SPATA6: variants seen among roughly 807,000 people sequenced by gnomAD.
The protein encoded by SPATA6 is spermatogenesis-associated protein 6.
In SPATA6, 56 loss-of-function variants were observed where a neutral mutation model predicts 65.3. That is an observed-to-expected ratio of 0.86 (90% CI 0.69 to 1.07). The LOEUF (loss-of-function observed/expected upper bound fraction) is 1.07. Among genes scored for constraint, SPATA6 ranks in the 50% least tolerant of loss-of-function variants. The pLI, the probability that SPATA6 is intolerant of heterozygous loss-of-function variation, is 0.00. For synonymous variants in SPATA6, 199 were observed against 213.2 expected (o/e 0.93, Z 0.58); for missense variants, 590 against 594.8 (o/e 0.99, Z 0.08).
At chr1:48,310,188 T>C (rs1487150394) in intron 11 of SPATA6, among the ~76,000 whole-genome samples, 1 of 152,230 alleles carries the variant, frequency 6.6e-6, no homozygotes, top group African/African-American at 2.4e-5. Context: ...CCTGTAATTA[T>C]TTCTTTTAAA....
chr1:48,272,974 C>T, the SPATA6 span, among the ~76,000 whole-genome samples: 2 of 152,068 alleles, frequency 1.3e-5, no homozygotes, highest in Admixed American at 6.5e-5. Flanking sequence ...TTTGTAATTT[C>T]GGTATTAAGG....
chr1:48,446,457 G>T (rs1334226961), intron 3 of SPATA6, among the ~76,000 whole-genome samples: 1 of 152,146 alleles, frequency 6.6e-6, no homozygotes, highest in Non-Finnish European at 1.5e-5. Flanking sequence ...AAGCTACAAG[G>T]GCTTCAGAAG....
At chr1:48,277,032 T>A in the SPATA6 span, among the ~76,000 whole-genome samples, 2 of 152,020 alleles carry the variant, frequency 1.3e-5, no homozygotes, top group African/African-American at 4.8e-5. Flanking sequence ...CATATATATT[T>A]AAGATAGTTA....
chr1:48,340,344 A>T (rs892113021), intron 11 of SPATA6, among the ~76,000 whole-genome samples: 1 of 151,242 alleles, frequency 6.6e-6, no homozygotes, highest in African/African-American at 2.4e-5. Flanking sequence ...GATCACCAAA[A>T]AAGATAAGTA....
the SPATA6 span, among the ~76,000 whole-genome samples, chr1:48,283,697 A>AAAAAAAAAAAAAGAAAGAAAGAAAG: frequency 8.3e-5 from 1 of 12,002 alleles, no homozygotes; most frequent in Non-Finnish European, 2.3e-4. Context: ...AAAAAAAAAA[A>AAAAAAAAAAAAAGAAAGAAAGAAAG]AAAGAAAGAA....
At chr1:48,360,407 G>A (rs1450371684) in intron 9 of SPATA6, among the ~76,000 whole-genome samples, 1 of 152,074 alleles carries the variant, frequency 6.6e-6, no homozygotes, top group East Asian at 1.9e-4. Flanking sequence ...GAAAGGAACT[G>A]TAATTTTAAA....
chr1:48,290,241 G>C, the SPATA6 span, among the ~76,000 whole-genome samples: 5 of 152,090 alleles, frequency 3.3e-5, no homozygotes, highest in Non-Finnish European at 7.3e-5. Context: ...CTCATATCCA[G>C]CCAAACTAAG....
At chr1:48,278,386 G>A in the SPATA6 span, among the ~76,000 whole-genome samples, 3 of 152,166 alleles carry the variant, frequency 2.0e-5, no homozygotes, top group African/African-American at 7.2e-5. Flanking sequence ...ACTACTCCGA[G>A]CTACAGGAGG....
intron 11 of SPATA6, among the ~76,000 whole-genome samples, chr1:48,343,946 C>G (rs1430203914): frequency 1.3e-5 from 2 of 151,966 alleles, no homozygotes; most frequent in Non-Finnish European, 2.9e-5. Flanking sequence ...CAATATAACT[C>G]AACCCAAAAG....
At chr1:48,342,296 C>T (rs1646240460) in intron 11 of SPATA6, among the ~76,000 whole-genome samples, 1 of 152,040 alleles carries the variant, frequency 6.6e-6, no homozygotes, top group Non-Finnish European at 1.5e-5. Context: ...TGCAGCTATA[C>T]AGCAATGAAA....
chr1:48,439,175 G>A (rs1365000259), intron 3 of SPATA6, among the ~76,000 whole-genome samples: 1 of 152,094 alleles, frequency 6.6e-6, no homozygotes, highest in Non-Finnish European at 1.5e-5. Context: ...GAATGAGTCA[G>A]TAAGAGCCAC....
At chr1:48,292,555 A>C (rs1644775158), downstream of SPATA6, among the ~76,000 whole-genome samples, 1 of 152,222 alleles carries the variant, frequency 6.6e-6, no homozygotes, top group African/African-American at 2.4e-5. Context: ...TGTGGCACTA[A>C]CAACCAAGAC....
intron 9 of SPATA6, among the ~76,000 whole-genome samples, chr1:48,383,627 CG>C (rs1317398273): frequency 3.9e-5 from 1 of 25,550 alleles, no homozygotes; most frequent in African/African-American, 1.2e-4. Flanking sequence ...TCAGACGGAG[CG>C]GCCGGGCAGA....
At chr1:48,277,590 G>C in the SPATA6 span, among the ~76,000 whole-genome samples, 3,758 of 152,310 alleles carry the variant, frequency 0.025, 98 homozygotes, top group African/African-American at 0.067. Flanking sequence ...GCACAGCAGT[G>C]TGAGATCAAA....
intron 9 of SPATA6, among the ~76,000 whole-genome samples, chr1:48,379,399 C>T (rs1648291439): frequency 6.6e-6 from 1 of 152,082 alleles, no homozygotes. Context: ...CAAACAATAT[C>T]ACATGTAGAA....
chr1:48,364,992 G>A lies in SPATA6; in HGVS notation c.910-5222C>T, dbSNP rs183734554. Among the ~76,000 whole-genome samples the A allele has an allele frequency of 4.6e-3, 693 of 152,272 alleles. 4 individuals are homozygous for A. Among genetic ancestry groups the A allele is most frequent in the African/African-American group, 0.015 (619 of 41,544 alleles). ...GTTTTTGTATAAGGTGTAAGGAAAG[G>A]ATCCAGTTTCAGCTTTCTACATATG... On this transcript the variant is annotated intron_variant, in intron 9 of 12. Transcript: ENST00000371847.
At chr1:48,439,859 C>T (rs1224789731) in intron 3 of SPATA6, among the ~76,000 whole-genome samples, 1 of 152,168 alleles carries the variant, frequency 6.6e-6, no homozygotes, top group Non-Finnish European at 1.5e-5. Flanking sequence ...CCCCAATATT[C>T]TCTGTCTGAT....
intron 8 of SPATA6, 51 bp downstream of exon 8, chr1:48,395,216 G>A (rs1650468198): frequency 7.2e-7 from 1 of 1,383,942 alleles, no homozygotes; most frequent in Non-Finnish European, 9.7e-7. Context: ...TTAAAGGCTT[G>A]ATTGTAGCTC....
chr1:48,449,656 C>A (rs189430928), intron 3 of SPATA6, among the ~76,000 whole-genome samples: 1 of 152,218 alleles, frequency 6.6e-6, no homozygotes, highest in East Asian at 1.9e-4. Context: ...GTGTGTGAAC[C>A]ACACCTTGAT....
Sources: gnomAD v4.1 joint callset for allele counts (sites outside exome capture counted in the v4.1 genomes callset) on GRCh38, gnomAD v4.1.1 for gene constraint, MANE v1.5 for transcripts, NCBI Gene and HGNC (gene_info 2026-07-23, HGNC 2026-07-21) for gene names.